OTUD7A: variants seen among roughly 807,000 people sequenced by gnomAD.
OTUD7A encodes OTU domain-containing protein 7A.
A neutral mutation model predicts 65.7 loss-of-function variants in OTUD7A; 12 were observed. That is an observed-to-expected ratio of 0.18 (90% CI 0.12 to 0.30). The LOEUF (loss-of-function observed/expected upper bound fraction) is 0.30, where lower values mean the gene tolerates loss of function less well. Among genes scored for constraint, OTUD7A ranks in the 10% least tolerant of loss-of-function variants. OTUD7A has a pLI of 1.00. For synonymous variants in OTUD7A, 641 were observed against 586.3 expected (o/e 1.09, Z -1.35); for missense variants, 1,148 against 1,304.8 (o/e 0.88, Z 1.85).
At chr15:31,764,687 T>A (rs531842770) in intron 1 of OTUD7A, among the ~76,000 whole-genome samples, 2 of 152,270 alleles carry the variant, frequency 1.3e-5, no homozygotes, top group South Asian at 4.1e-4. Context: ...GTTGGATGAA[T>A]ATTGGAATCA....
intron 1 of OTUD7A, among the ~76,000 whole-genome samples, chr15:31,742,387 T>C (rs1429533138): frequency 2.6e-5 from 4 of 151,978 alleles, no homozygotes; most frequent in African/African-American, 7.2e-5. Flanking sequence ...CATCAACAGA[T>C]TAAGGGAAAA....
chr15:31,494,570 T>G (rs2041358325), intron 10 of OTUD7A, among the ~76,000 whole-genome samples: 1 of 152,222 alleles, frequency 6.6e-6, no homozygotes, highest in South Asian at 2.1e-4. Context: ...CTGAAAAAAC[T>G]CTCAGGCTGA....
intron 1 of OTUD7A, among the ~76,000 whole-genome samples, chr15:31,827,047 A>G (rs2140978928): frequency 6.6e-6 from 1 of 152,298 alleles, no homozygotes; most frequent in South Asian, 2.1e-4. Flanking sequence ...AGCCCTCCAA[A>G]CTGTTCCAAC....
At chr15:31,630,180 C>T (rs886700307) in intron 3 of OTUD7A, among the ~76,000 whole-genome samples, 16 of 148,046 alleles carry the variant, frequency 1.1e-4, no homozygotes, top group South Asian at 2.2e-4. Flanking sequence ...TTAACTGTGA[C>T]GTTAGGGTGT....
chr15:31,798,336 C>A (rs937988626), intron 1 of OTUD7A, among the ~76,000 whole-genome samples: 3 of 152,136 alleles, frequency 2.0e-5, no homozygotes, highest in Non-Finnish European at 1.5e-5. Flanking sequence ...TGCTGTCCTG[C>A]ATACAGTTCA....
chr15:31,530,673 C>G, intron 6 of OTUD7A, 34 bp downstream of exon 6: 1 of 1,591,438 alleles, frequency 6.3e-7, no homozygotes, highest in Non-Finnish European at 8.6e-7. Flanking sequence ...AGGCCTGGAG[C>G]CTGGCCACCC....
chr15:31,845,183 A>G (rs1335134695), intron 1 of OTUD7A, among the ~76,000 whole-genome samples: 1 of 152,200 alleles, frequency 6.6e-6, no homozygotes, highest in Non-Finnish European at 1.5e-5. Context: ...TCAGCATGCC[A>G]GCCATCCCTC....
chr15:31,821,990 T>C (rs1188884926), intron 1 of OTUD7A, among the ~76,000 whole-genome samples: 1 of 152,242 alleles, frequency 6.6e-6, no homozygotes, highest in East Asian at 1.9e-4. Context: ...AAGAGTTCTT[T>C]ATATATTCTG....
At chr15:31,670,599 A>C (rs1892456149) in intron 1 of OTUD7A, among the ~76,000 whole-genome samples, 1 of 152,196 alleles carries the variant, frequency 6.6e-6, no homozygotes, top group Non-Finnish European at 1.5e-5. Context: ...GTGTCTGTTC[A>C]TATCCTTTGC....
At chr15:31,690,463 G>T (rs553263710) in intron 1 of OTUD7A, among the ~76,000 whole-genome samples, 18 of 152,256 alleles carry the variant, frequency 1.2e-4, no homozygotes, top group African/African-American at 4.3e-4. Context: ...TGAAAAAGAA[G>T]AATAAAGTTG....
rs559498238 is a variant in OTUD7A at position 31,527,804 on chromosome 15, C to T, written c.653-496G>A. ...TTCCTGAGAAGCAGAGCGTCAGTGA[C>T]ACCACTGCACACACCTGGCCCAGGA... On this transcript the variant is annotated intron_variant, in intron 6 of 12. Transcript: ENST00000307050. Among the ~76,000 whole-genome samples, 71 of 152,346 alleles carry T rather than the reference C, an allele frequency of 4.7e-4. No homozygotes were observed. The South Asian group carries it at 8.9e-3, about 19-fold the overall frequency.
At chr15:31,683,672 AAGAT>A (rs1892772047) in intron 1 of OTUD7A, among the ~76,000 whole-genome samples, 1 of 152,212 alleles carries the variant, frequency 6.6e-6, no homozygotes, top group African/African-American at 2.4e-5. Context: ...AAAAATTAAA[AAGAT>A]AGGTATGATT....
chr15:31,526,556 C>T (rs576321351), intron 7 of OTUD7A, 95 bp from the exon 8 acceptor site: 1 of 986,556 alleles, frequency 1.0e-6, no homozygotes, highest in Non-Finnish European at 1.4e-6. Flanking sequence ...TCACCGGGAC[C>T]CAGGCCAGGC....
rs147494292 is a variant in OTUD7A, at chr15:31,499,075, T to C, written c.1171+2615A>G. Among the ~76,000 whole-genome samples the C allele has an allele frequency of 2.8e-3, 424 of 152,346 alleles. 2 individuals are homozygous for C. The highest frequency in any genetic ancestry group is 9.5e-3 in the African/African-American group (394 of 41,592). On this transcript the variant is annotated intron_variant, in intron 10 of 12. Transcript: ENST00000307050. ...GTTTAAAGAATGCTTCATGGATTTTTAAGCCTCCAGGAGCTGGACACATGT... is the reference window on the plus strand; with the variant it reads ...GTTTAAAGAATGCTTCATGGATTTTCAAGCCTCCAGGAGCTGGACACATGT...
chr15:31,752,986 A>AT (rs1894679713), intron 1 of OTUD7A, among the ~76,000 whole-genome samples: 1 of 152,198 alleles, frequency 6.6e-6, no homozygotes, highest in African/African-American at 2.4e-5. Flanking sequence ...TCAGAATATT[A>AT]AAACGACTTG....
rs1388936990 is a variant in OTUD7A at position 31,479,217 on chromosome 15, A to G, written c.*4077T>C. Reference sequence around the variant, plus strand: ...TCAGCTGGCAGCAGAACCGGACTCAACTAGAGCAGGGGCCGCCTCTGCAGC... The same window carrying G: ...TCAGCTGGCAGCAGAACCGGACTCAGCTAGAGCAGGGGCCGCCTCTGCAGC... On this transcript the variant is annotated 3_prime_UTR_variant, in exon 13 of 13. Coordinates refer to ENST00000307050, the MANE Select transcript of OTUD7A (RefSeq NM_001382637.1). The G allele has an allele frequency of 6.6e-6, 1 of 152,246 alleles. No individual in the cohort carries two copies. Among genetic ancestry groups the G allele is most frequent in the African/African-American group, 2.4e-5 (1 of 41,464 alleles). 9.4% of individuals were successfully genotyped at this position (152,246 alleles called of 1,614,324 possible). A position where few individuals can be genotyped will look rare whatever the true frequency, so the allele number is the denominator to read the frequency against.
At chr15:31,520,930 T>C (rs1460474603) in intron 8 of OTUD7A, among the ~76,000 whole-genome samples, 1 of 152,194 alleles carries the variant, frequency 6.6e-6, no homozygotes, top group African/African-American at 2.4e-5. Flanking sequence ...ATATATACCA[T>C]GGAATATGAC....
intron 3 of OTUD7A, among the ~76,000 whole-genome samples, chr15:31,588,531 C>T (rs1889616652): frequency 6.6e-6 from 1 of 152,164 alleles, no homozygotes. Context: ...ATAATGAATT[C>T]TGATAAATTA....
intron 1 of OTUD7A, chr15:31,767,032 T>C: frequency 6.2e-7 from 1 of 1,605,554 alleles, no homozygotes; most frequent in Non-Finnish European, 8.5e-7. Context: ...GTTTCTTAAA[T>C]TAACTAGCTG....
Sources: allele counts gnomAD v4.1 joint callset (sites outside exome capture counted in the v4.1 genomes callset), GRCh38; gene constraint gnomAD v4.1.1; transcripts MANE v1.5; gene names NCBI Gene and HGNC (gene_info 2026-07-23, HGNC 2026-07-21).